Variants in CHSY3 observed in about 807,000 individuals in gnomAD.
CHSY3 encodes chondroitin sulfate synthase 3, also known as N-acetylgalactosaminyl-proteoglycan 3-beta-glucuronosyltransferase 3.
CHSY3 carries 35 observed loss-of-function variants against 67.2 expected under a neutral mutation model. That is an observed-to-expected ratio of 0.52 (90% CI 0.40 to 0.69). The LOEUF (loss-of-function observed/expected upper bound fraction) is 0.69. CHSY3 is among the 30% of genes least tolerant of loss of function. The pLI, the probability that CHSY3 is intolerant of heterozygous loss-of-function variation, is 0.00. For missense variants in CHSY3, 1,069 were observed against 1,138.5 expected, an observed-to-expected ratio of 0.94 and a Z score of 0.88; for synonymous variants, 474 against 434.7, an observed-to-expected ratio of 1.09 and a Z score of -1.12.
chr5:129,921,490 T>A (rs1055806168), intron 2 of CHSY3, among the ~76,000 whole-genome samples: 1 of 152,168 alleles, frequency 6.6e-6, no homozygotes, highest in Non-Finnish European at 1.5e-5. Flanking sequence ...AAACATATAA[T>A]TTGTGTATTT....
intron 2 of CHSY3, among the ~76,000 whole-genome samples, chr5:130,135,724 C>A (rs1054949967): frequency 6.6e-6 from 1 of 152,058 alleles, no homozygotes; most frequent in African/African-American, 2.4e-5. Flanking sequence ...TGACTCATAT[C>A]TCTGGAAATA....
At chr5:129,976,541 TG>T (rs1228764959) in intron 2 of CHSY3, among the ~76,000 whole-genome samples, 1 of 152,168 alleles carries the variant, frequency 6.6e-6, no homozygotes, top group African/African-American at 2.4e-5. Context: ...TAAAAGGGAA[TG>T]ACTGAATGAA....
intron 2 of CHSY3, among the ~76,000 whole-genome samples, chr5:130,085,118 C>G (rs1174146362): frequency 6.6e-6 from 1 of 151,916 alleles, no homozygotes; most frequent in Non-Finnish European, 1.5e-5. Flanking sequence ...TTGGAATGCC[C>G]CTGGCCAAGG....
chr5:130,005,487 A>T (rs1476592128), intron 2 of CHSY3, among the ~76,000 whole-genome samples: 1 of 151,864 alleles, frequency 6.6e-6, no homozygotes. Flanking sequence ...TTAAAAATTC[A>T]CTCTCTTAGT....
chr5:130,177,351 T>C (rs567420093), intron 2 of CHSY3, among the ~76,000 whole-genome samples: 1 of 152,196 alleles, frequency 6.6e-6, no homozygotes, highest in Non-Finnish European at 1.5e-5. Flanking sequence ...TGCTGAAATA[T>C]CTATTGGTTG....
chr5:129,981,050 C>CAAAAA (rs71000945), intron 2 of CHSY3, among the ~76,000 whole-genome samples: 1 of 130,934 alleles, frequency 7.6e-6, no homozygotes, highest in African/African-American at 2.8e-5. Flanking sequence ...ACTGAAAATA[C>CAAAAA]AAAAAAAAAA....
At chr5:130,105,996 G>T (rs1029539836) in intron 2 of CHSY3, among the ~76,000 whole-genome samples, 14 of 151,392 alleles carry the variant, frequency 9.2e-5, no homozygotes, top group Non-Finnish European at 1.5e-5. Context: ...ACAGGGTTTT[G>T]GTTTTTGTTT....
intron 2 of CHSY3, among the ~76,000 whole-genome samples, chr5:130,138,274 C>G (rs1463232308): frequency 1.3e-5 from 2 of 152,176 alleles, no homozygotes; most frequent in African/African-American, 4.8e-5. Flanking sequence ...CAATATCTAG[C>G]CAACCAAGGA....
intron 2 of CHSY3, among the ~76,000 whole-genome samples, chr5:130,047,665 A>G (rs1765195976): frequency 6.6e-6 from 1 of 152,078 alleles, no homozygotes; most frequent in Non-Finnish European, 1.5e-5. Context: ...AAAATCCTCA[A>G]TAACAACATA....
rs139603959 is a variant in CHSY3 at position 130,086,502 on chromosome 5, G to A, written c.1087-97727G>A. 3.9e-5 allele frequency among the ~76,000 whole-genome samples: 6 copies of A among 152,050 alleles called. No individual in the cohort carries two copies. The East Asian group carries it at 9.7e-4, about 25-fold the overall frequency. On this transcript the variant is annotated intron_variant, in intron 2 of 2. Transcript: ENST00000305031. ...ATCGTTTTATTTTGAGCCTATGTGT[G>A]TCTCTGCACGTGAGATGGGTTTCTG... is the stretch of plus-strand genomic sequence containing the variant.
intron 2 of CHSY3, among the ~76,000 whole-genome samples, chr5:130,070,704 A>C (rs183550960): frequency 1.6e-3 from 242 of 152,226 alleles, no homozygotes; most frequent in African/African-American, 5.6e-3. Context: ...GTCATATAAA[A>C]ATAAATTCAA....
At chr5:130,067,756 G>A (rs971187630) in intron 2 of CHSY3, among the ~76,000 whole-genome samples, 7 of 152,094 alleles carry the variant, frequency 4.6e-5, no homozygotes, top group African/African-American at 7.2e-5. Context: ...GATTATGTAT[G>A]TTTGTATATC....
chr5:129,969,097 G>A lies in CHSY3; in HGVS notation c.1086+60737G>A, dbSNP rs556421009. Among the ~76,000 whole-genome samples the A allele has an allele frequency of 2.4e-4, 36 of 151,942 alleles. No homozygotes were observed. The South Asian group carries it at 4.3e-3, about 18-fold the overall frequency. ...CTGGTATATATTTTACAGCATTACT[G>A]TATCTTTCAAAAGAAATATCTGTGG... On this transcript the variant is annotated intron_variant, in intron 2 of 2. Transcript: ENST00000305031.
intron 2 of CHSY3, among the ~76,000 whole-genome samples, chr5:130,063,832 C>G (rs1023740836): frequency 7.9e-5 from 12 of 152,096 alleles, no homozygotes; most frequent in Non-Finnish European, 1.8e-4. Flanking sequence ...CCTCTTTTAT[C>G]TGGGTCTTAA....
At chr5:129,980,962 T>G (rs924630668) in intron 2 of CHSY3, among the ~76,000 whole-genome samples, 3 of 151,668 alleles carry the variant, frequency 2.0e-5, no homozygotes, top group African/African-American at 7.3e-5. Flanking sequence ...ATCCCAGCAC[T>G]TTGGGAGGCC....
chr5:130,177,123 A>G lies in CHSY3; in HGVS notation c.1087-7106A>G, dbSNP rs138403527. ...CTTTCCTACACAATCACACATGTGT[A>G]TCCTGTCCTTGACTCCCTATACTTC... On this transcript the variant is annotated intron_variant, in intron 2 of 2. Transcript: ENST00000305031. Among the ~76,000 whole-genome samples the G allele has an allele frequency of 1.2e-4, 18 of 151,904 alleles. 1 individual carries two copies. The highest frequency in any genetic ancestry group is 1.2e-3 in the Admixed American group (18 of 15,236).
intron 2 of CHSY3, among the ~76,000 whole-genome samples, chr5:130,108,891 A>G (rs1485625832): frequency 6.6e-6 from 1 of 151,744 alleles, no homozygotes; most frequent in East Asian, 1.9e-4. Flanking sequence ...CATCTATTAA[A>G]TATAAGGCAA....
chr5:129,909,871 A>C (rs1444262123), intron 2 of CHSY3, among the ~76,000 whole-genome samples: 1 of 151,926 alleles, frequency 6.6e-6, no homozygotes, highest in East Asian at 1.9e-4. Context: ...ACCTGTAGTT[A>C]ACAATATAGA....
At chr5:129,995,035 C>T (rs755680432) in intron 2 of CHSY3, among the ~76,000 whole-genome samples, 3 of 152,048 alleles carry the variant, frequency 2.0e-5, no homozygotes, top group Non-Finnish European at 4.4e-5. Context: ...TAACCTAAAA[C>T]TTAAAGTATA....
Sources: allele counts gnomAD v4.1 joint callset (sites outside exome capture counted in the v4.1 genomes callset), GRCh38; gene constraint gnomAD v4.1.1; transcripts MANE v1.5; gene names NCBI Gene and HGNC (gene_info 2026-07-23, HGNC 2026-07-21).